NXPE2: variants seen among roughly 807,000 people sequenced by gnomAD.
NXPE2 encodes the protein neurexophilin and PC-esterase domain family member 2, also known as NXPE family member 2.
Under a neutral mutation model 34.4 loss-of-function variants are expected in NXPE2, and 34 were observed. The ratio of observed to expected loss-of-function variants is 0.99; its 90% CI spans 0.75 to 1.31. The LOEUF (loss-of-function observed/expected upper bound fraction) is 1.31. Among genes scored for constraint, NXPE2 ranks in the 40% most tolerant of loss-of-function variants. The pLI is 0.00. For missense variants in NXPE2, 649 were observed against 672.5 expected, an observed-to-expected ratio of 0.97 and a Z score of 0.39; for synonymous variants, 235 against 231.3, an observed-to-expected ratio of 1.02 and a Z score of -0.15.
chr11:114,681,236 A>G (rs1030635988), intron 2 of NXPE2, among the ~76,000 whole-genome samples: 1 of 152,206 alleles, frequency 6.6e-6, no homozygotes, highest in Non-Finnish European at 1.5e-5. Context: ...AGCCTGCTCT[A>G]AGCACTCATT....
the NXPE2 span, among the ~76,000 whole-genome samples, chr11:114,784,625 A>C: frequency 2.0e-5 from 3 of 152,126 alleles, no homozygotes; most frequent in South Asian, 2.1e-4. Flanking sequence ...GAAGATTTCC[A>C]CAGAAAAACC....
At chr11:114,651,445 A>G in the NXPE2 span, among the ~76,000 whole-genome samples, 1 of 152,298 alleles carries the variant, frequency 6.6e-6, no homozygotes, top group South Asian at 2.1e-4. Flanking sequence ...ACAGCTCATA[A>G]AGGTAGTGTG....
chr11:114,541,893 A>G, the NXPE2 span, among the ~76,000 whole-genome samples: 10 of 152,208 alleles, frequency 6.6e-5, no homozygotes, highest in South Asian at 1.7e-3. Flanking sequence ...CTGCTTCTCA[A>G]TGTTTATCTG....
chr11:114,733,052 C>T, the NXPE2 span, among the ~76,000 whole-genome samples: 55 of 151,948 alleles, frequency 3.6e-4, no homozygotes, highest in African/African-American at 1.3e-3. Context: ...TTGTTGAATT[C>T]AGTGTCTTTT....
chr11:114,672,129 G>T, the NXPE2 span, among the ~76,000 whole-genome samples: 27 of 152,020 alleles, frequency 1.8e-4, no homozygotes, highest in African/African-American at 5.8e-4. Flanking sequence ...AGAACAGCAA[G>T]GGGGAAGTCC....
chr11:114,661,690 A>G, the NXPE2 span, among the ~76,000 whole-genome samples: 2 of 152,214 alleles, frequency 1.3e-5, no homozygotes, highest in Non-Finnish European at 2.9e-5. Context: ...CAAGAAACGC[A>G]AGCAAGAGGG....
chr11:114,803,420 T>C, the NXPE2 span, among the ~76,000 whole-genome samples: 6 of 152,194 alleles, frequency 3.9e-5, no homozygotes, highest in African/African-American at 1.4e-4. Context: ...GGGTAACTTA[T>C]AAACAGCAGA....
chr11:114,591,106 T>C, the NXPE2 span, among the ~76,000 whole-genome samples: 1 of 152,140 alleles, frequency 6.6e-6, no homozygotes, highest in African/African-American at 2.4e-5. Flanking sequence ...TGGCAGTTCT[T>C]TTGTAGAGCA....
At chr11:114,647,985 C>T in the NXPE2 span, among the ~76,000 whole-genome samples, 1 of 152,108 alleles carries the variant, frequency 6.6e-6, no homozygotes, top group Non-Finnish European at 1.5e-5. Context: ...CAGGCATGAG[C>T]CACTGTTGCC....
At chr11:114,702,425 G>A (rs1468735331) in intron 3 of NXPE2, among the ~76,000 whole-genome samples, 4 of 152,170 alleles carry the variant, frequency 2.6e-5, no homozygotes, top group African/African-American at 9.7e-5. Flanking sequence ...AGGTATGGGA[G>A]AATAGAGGTT....
At chr11:114,607,683 C>T in the NXPE2 span, among the ~76,000 whole-genome samples, 12 of 145,152 alleles carry the variant, frequency 8.3e-5, no homozygotes, top group South Asian at 4.5e-4. Context: ...TGTTGAGTTG[C>T]GGGTAACCAC....
the NXPE2 span, among the ~76,000 whole-genome samples, chr11:114,536,809 A>C: frequency 5.9e-5 from 9 of 152,324 alleles, no homozygotes; most frequent in Non-Finnish European, 1.0e-4. Context: ...CAACCAAAAA[A>C]AGTCCAGGAC....
chr11:114,540,024 A>C, the NXPE2 span, among the ~76,000 whole-genome samples: 1 of 152,172 alleles, frequency 6.6e-6, no homozygotes, highest in African/African-American at 2.4e-5. Flanking sequence ...ATGACCTCAC[A>C]TCAGTAAGTA....
chr11:114,657,050 C>T, the NXPE2 span, among the ~76,000 whole-genome samples: 13 of 152,236 alleles, frequency 8.5e-5, no homozygotes, highest in East Asian at 3.9e-4. Flanking sequence ...GCTGAGATTG[C>T]GCCACTGCAC....
chr11:114,612,842 T>G, the NXPE2 span, among the ~76,000 whole-genome samples: 115 of 152,026 alleles, frequency 7.6e-4, 1 homozygote, highest in Middle Eastern at 0.01. Flanking sequence ...TAGTAAGTAT[T>G]GCCTTGTGGG....
chr11:114,799,894 T>G, the NXPE2 span, among the ~76,000 whole-genome samples: 12 of 151,818 alleles, frequency 7.9e-5, no homozygotes, highest in Non-Finnish European at 1.3e-4. Flanking sequence ...CCTTTTCTCT[T>G]TCTCTTTATC....
At chr11:114,683,126 A>G (rs1268540023) in intron 2 of NXPE2, among the ~76,000 whole-genome samples, 1 of 152,114 alleles carries the variant, frequency 6.6e-6, no homozygotes, top group Non-Finnish European at 1.5e-5. Context: ...CCCTTTAATC[A>G]TAGAGAACTA....
chr11:114,578,328 A>C, the NXPE2 span, among the ~76,000 whole-genome samples: 2 of 152,214 alleles, frequency 1.3e-5, no homozygotes, highest in African/African-American at 4.8e-5. Context: ...AACACAATGT[A>C]CAACAGTTGT....
the NXPE2 span, among the ~76,000 whole-genome samples, chr11:114,740,533 A>G: frequency 6.6e-6 from 1 of 151,628 alleles, no homozygotes; most frequent in African/African-American, 2.4e-5. Context: ...TTTTTTGAGC[A>G]CTCTCTATGC....
Sources: allele counts gnomAD v4.1 joint callset (sites outside exome capture counted in the v4.1 genomes callset), GRCh38; gene constraint gnomAD v4.1.1; transcripts MANE v1.5; gene names NCBI Gene and HGNC (gene_info 2026-07-23, HGNC 2026-07-21).